The following TRPM3 variants were observed in gnomAD, a reference collection of about 807,000 sequenced individuals.
TRPM3 encodes transient receptor potential cation channel subfamily M member 3, also known as long transient receptor potential channel 3.
A neutral mutation model predicts 181.2 loss-of-function variants in TRPM3; 77 were observed. The observed-to-expected ratio is 0.42, with a 90% CI of 0.35 to 0.51. The LOEUF (loss-of-function observed/expected upper bound fraction) is 0.51. TRPM3 is among the 20% of genes least tolerant of loss of function. The pLI, the probability that TRPM3 is intolerant of heterozygous loss-of-function variation, is 0.01. For missense variants in TRPM3, 1,759 were observed against 2,196.7 expected (o/e 0.80, Z 3.98); for synonymous variants, 745 against 796.4 (o/e 0.94, Z 1.09).
At chr9:71,263,646 A>G (rs2083206041) in intron 1 of TRPM3, among the ~76,000 whole-genome samples, 2 of 152,350 alleles carry the variant, frequency 1.3e-5, no homozygotes, top group East Asian at 3.9e-4. Context: ...AGAGAAGTAA[A>G]GCTGTGTGTT....
intron 9 of TRPM3, among the ~76,000 whole-genome samples, chr9:70,677,367 G>C (rs954822591): frequency 2.6e-5 from 4 of 152,222 alleles, no homozygotes; most frequent in Admixed American, 1.3e-4. Flanking sequence ...CTGCCTATTG[G>C]GTAGCCCCAC....
At chr9:71,324,819 A>C (rs983569536) in intron 1 of TRPM3, among the ~76,000 whole-genome samples, 1 of 152,236 alleles carries the variant, frequency 6.6e-6, no homozygotes, top group Non-Finnish European at 1.5e-5. Flanking sequence ...TTAAAGTAAC[A>C]TGGATGGAAT....
In TRPM3 at chr9:70,610,702, T is replaced by C. The variant is rs752638017; in HGVS notation, c.2574A>G (p.Glu858=). 6.2e-7 allele frequency: 1 copy of C among 1,614,182 alleles called. No homozygotes were observed. The highest frequency in any genetic ancestry group is 2.2e-5 in the East Asian group (1 of 44,884). ...NNGESSRKKD[E]EEVQSKHRLI... is the part of the protein sequence containing the mutation. The stretch of plus-strand genomic sequence containing the variant: ...ACCGGTGCTTGCTCTGAACTTCCTC[T>C]TCATCCTTCTTCCTGGAGGACTCCC... The change falls in exon 19 of 26, where the codon GAA becomes GAG. Residue 858 remains glutamate (E), a synonymous_variant. Coordinates refer to ENST00000677713, the MANE Select transcript of TRPM3 (RefSeq NM_001366145.2).
intron 22 of TRPM3, among the ~76,000 whole-genome samples, chr9:70,589,762 C>G (rs2057794615): frequency 6.6e-6 from 1 of 152,304 alleles, no homozygotes; most frequent in South Asian, 2.1e-4. Context: ...TCTTGATTGC[C>G]TTAGATAACG....
At chr9:71,129,914 C>T (rs2074267723) in intron 1 of TRPM3, among the ~76,000 whole-genome samples, 1 of 152,160 alleles carries the variant, frequency 6.6e-6, no homozygotes, top group South Asian at 2.1e-4. Flanking sequence ...TGGCTGGCCT[C>T]TCTGTTGAGA....
In TRPM3 at chr9:70,635,232, G is replaced by A; in HGVS notation, c.1611C>T (p.His537=). 3 of 1,613,916 alleles carry A rather than the reference G, an allele frequency of 1.9e-6. No homozygotes were observed. The highest frequency in any genetic ancestry group is 8.5e-7 in the Non-Finnish European group (1 of 1,179,908). Residue 537 remains histidine (H), a synonymous_variant, in exon 12 of 26, where the codon CAC becomes CAT. Coordinates refer to ENST00000677713, the MANE Select transcript of TRPM3 (RefSeq NM_001366145.2). ...TRHGPSNTLY[H]LVRDVKKREY... is the part of the protein sequence containing the mutation. ...TTACCTTTTTGACATCCCTGACCAA[G>A]TGGTACAATGTATTTGAGGGCCCAT...
At position 71,121,229 on chromosome 9, in the gene TRPM3, G is replaced by A; in HGVS notation, c.126C>T (p.Thr42=). The A allele has an allele frequency of 6.2e-7, 1 of 1,614,098 alleles. No homozygotes were observed. The highest frequency in any genetic ancestry group is 8.5e-7 in the Non-Finnish European group (1 of 1,179,974). ...AGGCTGCGTGGCACAGCTTCCGGAT[G>A]GTCCAGTTTAGGGGTCGAGGAGCAT... The part of the protein sequence containing the change: ...QADAPRPLNW[T]IRKLCHAAFL... Residue 42 remains threonine (T), a synonymous_variant, in exon 1 of 26, where the codon ACC becomes ACT. Transcript: ENST00000677713.
At chr9:70,831,410 TTG>T (rs1171217918) in intron 5 of TRPM3, among the ~76,000 whole-genome samples, 1 of 149,946 alleles carries the variant, frequency 6.7e-6, no homozygotes, top group Non-Finnish European at 1.5e-5. Context: ...TTTTTTGGAA[TTG>T]TGTGTGTGTG....
At chr9:70,967,616 A>G (rs1022822232) in intron 1 of TRPM3, among the ~76,000 whole-genome samples, 1 of 152,146 alleles carries the variant, frequency 6.6e-6, no homozygotes, top group Non-Finnish European at 1.5e-5. Context: ...CATGGAACAC[A>G]TAAGATGTTA....
intron 1 of TRPM3, among the ~76,000 whole-genome samples, chr9:71,348,556 T>TA (rs2091425373): frequency 3.4e-5 from 5 of 147,356 alleles, no homozygotes; most frequent in Admixed American, 6.8e-5. Flanking sequence ...ATTTATATAT[T>TA]TATTTATTTA....
intron 1 of TRPM3, among the ~76,000 whole-genome samples, chr9:71,050,165 A>G (rs1194520958): frequency 1.3e-5 from 2 of 152,318 alleles, no homozygotes; most frequent in East Asian, 3.9e-4. Flanking sequence ...AGGAATCAAT[A>G]CATAGAGAAA....
At chr9:70,564,176 A>AC (rs2049924618) in intron 22 of TRPM3, among the ~76,000 whole-genome samples, 1 of 152,260 alleles carries the variant, frequency 6.6e-6, no homozygotes, top group South Asian at 2.1e-4. Context: ...TCATCATTAC[A>AC]CCTTCCTTTT....
chr9:70,969,756 T>A lies in TRPM3; in HGVS notation c.178-105245A>T, dbSNP rs904863080. 1.2e-3 allele frequency among the ~76,000 whole-genome samples: 149 copies of A among 126,630 alleles called. 1 individual carries two copies. Among genetic ancestry groups the A allele is most frequent in the South Asian group, 6.1e-3 (23 of 3,768 alleles). The allele number at this position is 126,630 out of a possible 152,430, so 83.1% of individuals were successfully genotyped here. A position where few individuals can be genotyped will look rare whatever the true frequency, so the allele number is the denominator to read the frequency against. On this transcript the variant is annotated intron_variant, in intron 1 of 25. Transcript: ENST00000677713. ...GGATTGTTGTGAAGACTGAATGATT[T>A]TATATATATATATATATATATATAC...
chr9:70,641,806 G>A (rs2058096958), intron 9 of TRPM3, among the ~76,000 whole-genome samples: 1 of 152,170 alleles, frequency 6.6e-6, no homozygotes, highest in Non-Finnish European at 1.5e-5. Context: ...AGCAGCTGGA[G>A]GGGAAGCTGG....
chr9:71,336,154 C>A (rs2090541671), intron 1 of TRPM3, among the ~76,000 whole-genome samples: 1 of 150,750 alleles, frequency 6.6e-6, no homozygotes, highest in Non-Finnish European at 1.5e-5. Context: ...CATATACATG[C>A]TCAGGGCAAG....
chr9:70,986,642 A>G lies in TRPM3; in HGVS notation c.178-122131T>C, dbSNP rs75238673. 5.0e-3 allele frequency among the ~76,000 whole-genome samples: 755 copies of G among 152,298 alleles called. 18 individuals carry two copies. In the East Asian group the frequency reaches 0.078, roughly 16 times the overall value. On this transcript the variant is annotated intron_variant, in intron 1 of 25. Coordinates refer to ENST00000677713, the MANE Select transcript of TRPM3 (RefSeq NM_001366145.2). ...TGGTAGTTAAATTAGTAAGTGAATT[A>G]GCCAGTTTTGGAAACAGAGCTATTT...
chr9:71,122,946 A>C (rs1462217471), upstream of TRPM3, among the ~76,000 whole-genome samples: 3 of 152,234 alleles, frequency 2.0e-5, no homozygotes, highest in Non-Finnish European at 4.4e-5. Flanking sequence ...TATTAAAATA[A>C]TAACGGCTCA....
At chr9:71,291,455 T>C (rs573800717) in intron 1 of TRPM3, among the ~76,000 whole-genome samples, 1 of 152,140 alleles carries the variant, frequency 6.6e-6, no homozygotes, top group African/African-American at 2.4e-5. Context: ...GATTCATGAA[T>C]TGCTCATAAA....
chr9:70,699,740 G>A (rs1042949999), intron 8 of TRPM3, among the ~76,000 whole-genome samples: 23 of 152,322 alleles, frequency 1.5e-4, no homozygotes, highest in Non-Finnish European at 3.1e-4. Flanking sequence ...AAATCTTGGA[G>A]TGAGGATTGG....
Sources: allele counts gnomAD v4.1 joint callset (sites outside exome capture counted in the v4.1 genomes callset), GRCh38; gene constraint gnomAD v4.1.1; transcripts MANE v1.5; gene names NCBI Gene and HGNC (gene_info 2026-07-23, HGNC 2026-07-21).